The following ZFHX3 variants were observed in gnomAD, a reference collection of about 807,000 sequenced individuals.
ZFHX3 encodes the protein zinc finger homeobox 3, also known as zinc finger homeobox protein 3.
In ZFHX3, 42 loss-of-function variants were observed where a neutral mutation model predicts 279.1. That is an observed-to-expected ratio of 0.15 (90% CI 0.12 to 0.19). The LOEUF (loss-of-function observed/expected upper bound fraction) is 0.19. ZFHX3 is among the 10% of genes least tolerant of loss of function. The pLI, the probability that ZFHX3 is intolerant of heterozygous loss-of-function variation, is 1.00. For synonymous variants in ZFHX3, 2,293 were observed against 1,957.8 expected, an observed-to-expected ratio of 1.17 and a Z score of -4.52; for missense variants, 4,981 against 4,754.0, an observed-to-expected ratio of 1.05 and a Z score of -1.40.
intron 1 of ZFHX3, among the ~76,000 whole-genome samples, chr16:73,878,015 C>T (rs975736709): frequency 3.3e-5 from 5 of 151,968 alleles, no homozygotes; most frequent in Admixed American, 2.0e-4. Context: ...ATATATATAT[C>T]TTCTCCATAC....
chr16:73,564,243 A>G (rs567091471), intron 2 of ZFHX3, among the ~76,000 whole-genome samples: 4 of 152,290 alleles, frequency 2.6e-5, no homozygotes, highest in South Asian at 4.1e-4. Context: ...CATGGTCACC[A>G]TCATCCTCGC....
intron 2 of ZFHX3, among the ~76,000 whole-genome samples, chr16:73,578,838 C>T (rs2051827541): frequency 6.6e-6 from 1 of 152,164 alleles, no homozygotes; most frequent in African/African-American, 2.4e-5. Flanking sequence ...TCACTCTTTG[C>T]TTTATATTTT....
At chr16:72,857,166 A>G (rs1393759588) in intron 4 of ZFHX3, among the ~76,000 whole-genome samples, 1 of 152,222 alleles carries the variant, frequency 6.6e-6, no homozygotes, top group African/African-American at 2.4e-5. Context: ...GGCCTCATAC[A>G]TTGCCTAGCA....
At chr16:73,690,592 G>C (rs1473763655) in intron 1 of ZFHX3, among the ~76,000 whole-genome samples, 1 of 152,186 alleles carries the variant, frequency 6.6e-6, no homozygotes, top group Non-Finnish European at 1.5e-5. Flanking sequence ...TCCTGATCAA[G>C]AAGTAGTGTC....
intron 1 of ZFHX3, among the ~76,000 whole-genome samples, chr16:72,988,487 A>G (rs1209620169): frequency 1.3e-5 from 2 of 152,260 alleles, no homozygotes; most frequent in Non-Finnish European, 2.9e-5. Flanking sequence ...GATTCACTCC[A>G]GCCTTCCTCT....
At chr16:72,847,555 G>A (rs377306019) in intron 4 of ZFHX3, among the ~76,000 whole-genome samples, 11 of 152,102 alleles carry the variant, frequency 7.2e-5, no homozygotes, top group African/African-American at 1.7e-4. Context: ...CACCCCCAGG[G>A]CAGCTGATCC....
At chr16:73,833,126 G>A (rs1961043929) in intron 1 of ZFHX3, among the ~76,000 whole-genome samples, 1 of 152,152 alleles carries the variant, frequency 6.6e-6, no homozygotes, top group African/African-American at 2.4e-5. Context: ...ACTTTGAGAG[G>A]CTGAGGCAGA....
intron 1 of ZFHX3, among the ~76,000 whole-genome samples, chr16:73,889,202 C>G (rs1045078382): frequency 6.6e-6 from 1 of 152,140 alleles, no homozygotes; most frequent in Non-Finnish European, 1.5e-5. Context: ...ACAGTGCTAC[C>G]TGGGGACAGA....
intron 7 of ZFHX3, among the ~76,000 whole-genome samples, chr16:73,110,576 A>C (rs1966360833): frequency 6.6e-6 from 1 of 152,144 alleles, no homozygotes; most frequent in African/African-American, 2.4e-5. Flanking sequence ...ATTTTGTCCC[A>C]GCTTTTTTTG....
intron 2 of ZFHX3, among the ~76,000 whole-genome samples, chr16:73,540,189 G>T (rs1057201993): frequency 6.6e-6 from 1 of 152,186 alleles, no homozygotes; most frequent in Non-Finnish European, 1.5e-5. Context: ...TGTGATATGG[G>T]TCCAAGAGGA....
intron 4 of ZFHX3, among the ~76,000 whole-genome samples, chr16:72,859,454 C>G (rs539751872): frequency 1.3e-5 from 2 of 152,324 alleles, no homozygotes; most frequent in South Asian, 4.1e-4. Context: ...CCTTCTTCTC[C>G]CAACTCCTCT....
chr16:73,473,166 C>G (rs1036151928), intron 2 of ZFHX3, among the ~76,000 whole-genome samples: 2 of 151,256 alleles, frequency 1.3e-5, no homozygotes, highest in Admixed American at 6.6e-5. Context: ...CATAGCAAGA[C>G]CCTATCTCTA....
intron 7 of ZFHX3, chr16:72,809,655 C>T (rs1487949855): frequency 1.3e-5 from 2 of 152,150 alleles, no homozygotes; most frequent in African/African-American, 2.4e-5. Context: ...TCACTTACAA[C>T]GTTATTCATT....
chr16:72,957,496 C>T lies in ZFHX3; in HGVS notation c.2650G>A (p.Ala884Thr), dbSNP rs148618101. ...TGGAATCCGCTCATCATGAACTGGGCGTCCGAGGCAGCACTGTCCATCTTC... is the reference window on the plus strand; with the variant it reads ...TGGAATCCGCTCATCATGAACTGGGTGTCCGAGGCAGCACTGTCCATCTTC... The part of the protein sequence containing the change: ...NLKMDSAASD[A>T]QFMMSGFQLD... Residue 884 changes from alanine to threonine, a missense_variant, in exon 2 of 10, where the codon GCC (alanine) becomes ACC (threonine). Ala to Thr is a moderately conservative substitution (Grantham distance 58). Coordinates refer to ENST00000268489, the MANE Select transcript of ZFHX3 (RefSeq NM_006885.4). 129 of 1,614,082 alleles carry T rather than the reference C, an allele frequency of 8.0e-5. 1 individual carries two copies. In the South Asian group the frequency reaches 1.2e-3, roughly 15 times the overall value.
intron 2 of ZFHX3, among the ~76,000 whole-genome samples, chr16:73,670,638 G>C (rs967620644): frequency 2.6e-5 from 4 of 152,174 alleles, no homozygotes; most frequent in African/African-American, 9.7e-5. Context: ...TAGGGAAAAC[G>C]TAATGAAATA....
intron 1 of ZFHX3, among the ~76,000 whole-genome samples, chr16:72,961,294 TTTTCCA>T (rs1438112705): frequency 3.9e-5 from 6 of 152,228 alleles, no homozygotes; most frequent in African/African-American, 1.2e-4. Context: ...GCCCTGGGGC[TTTTCCA>T]TTTCCGACTC....
At chr16:73,519,391 A>C (rs2019575288) in intron 2 of ZFHX3, among the ~76,000 whole-genome samples, 1 of 152,140 alleles carries the variant, frequency 6.6e-6, no homozygotes, top group Non-Finnish European at 1.5e-5. Flanking sequence ...ATACCTATTT[A>C]TTTATCAATT....
chr16:72,935,723 C>G (rs11862411), intron 3 of ZFHX3, among the ~76,000 whole-genome samples: 6,695 of 146,642 alleles, frequency 0.046, 360 homozygotes, highest in African/African-American at 0.12. Flanking sequence ...GACAGAGTGA[C>G]ACTCTGTCTT....
intron 1 of ZFHX3, among the ~76,000 whole-genome samples, chr16:73,847,904 GTTTTTT>G (rs60189791): frequency 7.5e-5 from 6 of 80,056 alleles, no homozygotes; most frequent in Admixed American, 2.6e-4. Flanking sequence ...TGCCTGGCTA[GTTTTTT>G]TTTTTTTTTT....
Sources: allele counts gnomAD v4.1 joint callset (sites outside exome capture counted in the v4.1 genomes callset), GRCh38; gene constraint gnomAD v4.1.1; transcripts MANE v1.5; gene names NCBI Gene and HGNC (gene_info 2026-07-23, HGNC 2026-07-21).